Variants in TECRL observed in about 807,000 individuals in gnomAD.
TECRL encodes trans-2,3-enoyl-CoA reductase like, also known as trans-2,3-enoyl-CoA reductase-like.
TECRL carries 63 observed loss-of-function variants against 52.8 expected under a neutral mutation model. The ratio of observed to expected loss-of-function variants is 1.19; its 90% CI spans 0.97 to 1.47. The LOEUF (loss-of-function observed/expected upper bound fraction) is 1.47. Ranked by LOEUF, TECRL falls within the 40% of genes most tolerant of loss-of-function variation. The pLI, the probability that TECRL is intolerant of heterozygous loss-of-function variation, is 0.00. For missense variants in TECRL, 482 were observed against 429.6 expected (o/e 1.12, Z -1.08); for synonymous variants, 164 against 141.9 (o/e 1.16, Z -1.10).
At position 64,363,841 on chromosome 4, in the gene TECRL, G is replaced by T. The variant is rs192485381; in HGVS notation, c.286+11331C>A. 6.6e-3 allele frequency among the ~76,000 whole-genome samples: 1,011 copies of T among 152,218 alleles called. 47 individuals are homozygous for T. Among genetic ancestry groups the T allele is most frequent in the Admixed American group, 0.061 (934 of 15,246 alleles). On this transcript the variant is annotated intron_variant, in intron 2 of 11. Coordinates refer to ENST00000381210, the MANE Select transcript of TECRL (RefSeq NM_001010874.5). ...ATTTGAATAAATTTTGCTTCTAAGA[G>T]AAGTTACTGTTTATTCCTAATTAGA...
At chr4:64,291,019 T>C (rs2030535305) in intron 8 of TECRL, among the ~76,000 whole-genome samples, 1 of 152,090 alleles carries the variant, frequency 6.6e-6, no homozygotes, top group African/African-American at 2.4e-5. Context: ...ACTTTTTAAG[T>C]TGAAATTTTT....
intron 4 of TECRL, among the ~76,000 whole-genome samples, chr4:64,320,327 T>G (rs1717814316): frequency 6.6e-6 from 1 of 151,918 alleles, no homozygotes; most frequent in African/African-American, 2.4e-5. Context: ...TAGGAACAAA[T>G]TTTCATATTT....
intron 2 of TECRL, among the ~76,000 whole-genome samples, chr4:64,347,029 G>GA (rs1048188239): frequency 6.6e-6 from 1 of 152,176 alleles, no homozygotes; most frequent in Non-Finnish European, 1.5e-5. Flanking sequence ...TCAGTCAGGT[G>GA]AAAAACATCC....
intron 8 of TECRL, among the ~76,000 whole-genome samples, chr4:64,297,380 T>C (rs945846814): frequency 2.6e-5 from 4 of 151,228 alleles, no homozygotes; most frequent in East Asian, 1.9e-4. Context: ...CTTCATCTTA[T>C]ATTAAAAGAG....
At chr4:64,360,474 G>C (rs957899850) in intron 2 of TECRL, among the ~76,000 whole-genome samples, 5 of 152,138 alleles carry the variant, frequency 3.3e-5, no homozygotes, top group Admixed American at 3.3e-4. Flanking sequence ...ACATCTGTTA[G>C]CATAAAGAGT....
At chr4:64,302,337 C>T (rs1467067154) in intron 7 of TECRL, among the ~76,000 whole-genome samples, 1 of 151,246 alleles carries the variant, frequency 6.6e-6, no homozygotes. Context: ...AAGTCAAACA[C>T]TGTTACCACA....
intron 6 of TECRL, among the ~76,000 whole-genome samples, chr4:64,307,287 G>T (rs973581125): frequency 6.6e-6 from 1 of 152,058 alleles, no homozygotes; most frequent in Admixed American, 6.6e-5. Flanking sequence ...GGGAAGCTTT[G>T]GGTATGAAGC....
chr4:64,283,506 T>G (rs1484412325), intron 9 of TECRL, among the ~76,000 whole-genome samples: 1 of 152,066 alleles, frequency 6.6e-6, no homozygotes, highest in Non-Finnish European at 1.5e-5. Context: ...TATTGTTATG[T>G]TATAGTGGTT....
chr4:64,370,272 G>T (rs541721018), intron 2 of TECRL, among the ~76,000 whole-genome samples: 17 of 151,736 alleles, frequency 1.1e-4, no homozygotes, highest in Non-Finnish European at 1.5e-4. Context: ...AGTATGAGAA[G>T]ACAATTTTTT....
chr4:64,346,324 T>G (rs1719980844), intron 2 of TECRL, among the ~76,000 whole-genome samples: 1 of 152,220 alleles, frequency 6.6e-6, no homozygotes, highest in Non-Finnish European at 1.5e-5. Context: ...GAGTACTTTG[T>G]GTGGTGGCTC....
chr4:64,408,820 G>A (rs934263047), intron 1 of TECRL, among the ~76,000 whole-genome samples: 2 of 152,024 alleles, frequency 1.3e-5, no homozygotes, highest in Non-Finnish European at 2.9e-5. Flanking sequence ...AATAGGTTGA[G>A]CATTTGTAAT....
chr4:64,389,247 T>C (rs1723386675), intron 1 of TECRL, among the ~76,000 whole-genome samples: 1 of 151,950 alleles, frequency 6.6e-6, no homozygotes, highest in Non-Finnish European at 1.5e-5. Context: ...ACGTGACCTG[T>C]AGGTCTTTCG....
At chr4:64,295,844 T>G (rs1049792068) in intron 8 of TECRL, among the ~76,000 whole-genome samples, 14 of 151,936 alleles carry the variant, frequency 9.2e-5, no homozygotes, top group Non-Finnish European at 1.6e-4. Flanking sequence ...AAGCACAATA[T>G]TGCCATTAAT....
At chr4:64,337,645 A>C (rs1242957306) in intron 2 of TECRL, among the ~76,000 whole-genome samples, 1 of 152,176 alleles carries the variant, frequency 6.6e-6, no homozygotes, top group Non-Finnish European at 1.5e-5. Flanking sequence ...AGACAAACGG[A>C]GAGCCAAATC....
chr4:64,400,379 T>A (rs2109778028), intron 1 of TECRL, among the ~76,000 whole-genome samples: 1 of 152,312 alleles, frequency 6.6e-6, no homozygotes, highest in East Asian at 1.9e-4. Flanking sequence ...AGACTTGCTT[T>A]GTCTCAGAGA....
intron 2 of TECRL, among the ~76,000 whole-genome samples, chr4:64,350,488 T>G (rs1477577799): frequency 6.6e-6 from 1 of 152,232 alleles, no homozygotes; most frequent in Non-Finnish European, 1.5e-5. Context: ...TCTATGAAGG[T>G]GTTTTTTGAA....
At chr4:64,311,706 A>G (rs928460364) in intron 5 of TECRL, among the ~76,000 whole-genome samples, 1 of 152,154 alleles carries the variant, frequency 6.6e-6, no homozygotes, top group Admixed American at 6.5e-5. Context: ...CTGCTAACTC[A>G]TCAAGTCTGA....
At chr4:64,294,701 C>A (rs1464913289) in intron 8 of TECRL, among the ~76,000 whole-genome samples, 1 of 151,952 alleles carries the variant, frequency 6.6e-6, no homozygotes, top group Non-Finnish European at 1.5e-5. Flanking sequence ...GTACAAAGAA[C>A]CGTGGTAATA....
intron 2 of TECRL, among the ~76,000 whole-genome samples, chr4:64,345,228 G>T (rs1369047486): frequency 6.6e-6 from 1 of 152,046 alleles, no homozygotes; most frequent in Non-Finnish European, 1.5e-5. Context: ...TATAAATCAT[G>T]CTGCTATAAA....
Sources: allele counts gnomAD v4.1 joint callset (sites outside exome capture counted in the v4.1 genomes callset), GRCh38; gene constraint gnomAD v4.1.1; transcripts MANE v1.5; gene names NCBI Gene and HGNC (gene_info 2026-07-23, HGNC 2026-07-21).